Variants in MSRA observed in about 807,000 individuals in gnomAD.
The protein encoded by MSRA is methionine sulfoxide reductase A, also known as mitochondrial peptide methionine sulfoxide reductase.
MSRA carries 54 observed loss-of-function variants against 31.3 expected under a neutral mutation model. The ratio of observed to expected loss-of-function variants is 1.73; its 90% CI spans 1.39 to 2.17. The LOEUF (loss-of-function observed/expected upper bound fraction) is 2.17. Ranked by LOEUF, MSRA falls within the 30% of genes most tolerant of loss-of-function variation. The pLI, the probability that MSRA is intolerant of heterozygous loss-of-function variation, is 0.00. For missense variants in MSRA, 507 were observed against 300.9 expected, an observed-to-expected ratio of 1.69 and a Z score of -5.07; for synonymous variants, 169 against 116.5, an observed-to-expected ratio of 1.45 and a Z score of -2.90.
intron 4 of MSRA, among the ~76,000 whole-genome samples, chr8:10,305,077 A>G (rs779127005): frequency 3.3e-5 from 5 of 152,230 alleles, no homozygotes; most frequent in Non-Finnish European, 7.3e-5. Flanking sequence ...TTTAATTAGC[A>G]TGTTGAAAGA....
chr8:10,332,944 G>T (rs1802790693), intron 5 of MSRA, among the ~76,000 whole-genome samples: 1 of 152,190 alleles, frequency 6.6e-6, no homozygotes, highest in African/African-American at 2.4e-5. Context: ...TGAGTCCCTG[G>T]GTGGAGCCCC....
At chr8:10,180,698 A>G (rs146485305) in intron 1 of MSRA, among the ~76,000 whole-genome samples, 9 of 152,280 alleles carry the variant, frequency 5.9e-5, no homozygotes, top group Admixed American at 3.3e-4. Context: ...GAGCAAATAC[A>G]TATTCCTTTT....
intron 3 of MSRA, among the ~76,000 whole-genome samples, chr8:10,258,798 T>A (rs552938772): frequency 6.6e-6 from 1 of 152,198 alleles, no homozygotes; most frequent in Non-Finnish European, 1.5e-5. Context: ...GCCAGTTATC[T>A]AAGACCTTTT....
chr8:10,298,400 A>T lies in MSRA; in HGVS notation c.332-3134A>T, dbSNP rs151091520. On this transcript the variant is annotated intron_variant, in intron 3 of 5. Coordinates refer to ENST00000317173, the MANE Select transcript of MSRA (RefSeq NM_012331.5). The stretch of plus-strand genomic sequence containing the variant: ...AAGACAAATAGTGGATTCCACTTAT[A>T]GGAAGTCCCTAGAGAAGTAAAATCC... Among the ~76,000 whole-genome samples, 12 of 152,342 alleles carry T rather than the reference A, an allele frequency of 7.9e-5. 1 individual carries two copies. In the East Asian group the frequency reaches 2.1e-3, roughly 27 times the overall value.
chr8:10,398,335 C>T (rs754964802), intron 5 of MSRA, among the ~76,000 whole-genome samples: 2 of 152,308 alleles, frequency 1.3e-5, no homozygotes, highest in Middle Eastern at 3.4e-3. Flanking sequence ...TAATTCCACC[C>T]ACTGGTCCTA....
At chr8:10,286,151 T>C (rs2975635) in intron 3 of MSRA, among the ~76,000 whole-genome samples, 105,840 of 151,930 alleles carry the variant, frequency 0.7, 37,568 homozygotes, top group East Asian at 0.82. Flanking sequence ...TCCTGTGTTA[T>C]GGTGCTCGTC....
intron 1 of MSRA, among the ~76,000 whole-genome samples, chr8:10,175,023 C>T (rs1805922766): frequency 6.6e-6 from 1 of 152,136 alleles, no homozygotes. Flanking sequence ...TTCTCTGACT[C>T]ATCCGTCCCT....
At chr8:10,349,224 A>C (rs549158146) in intron 5 of MSRA, among the ~76,000 whole-genome samples, 1 of 152,222 alleles carries the variant, frequency 6.6e-6, no homozygotes, top group Admixed American at 6.5e-5. Flanking sequence ...GGTAGCATCA[A>C]CATTGACTCT....
chr8:10,277,850 G>C (rs1376352914), intron 3 of MSRA, among the ~76,000 whole-genome samples: 1 of 143,240 alleles, frequency 7.0e-6, no homozygotes, highest in Non-Finnish European at 1.5e-5. Context: ...ATATTTGAAA[G>C]TTCATGTTGT....
chr8:10,182,350 A>G (rs781252945), intron 1 of MSRA, among the ~76,000 whole-genome samples: 18 of 152,186 alleles, frequency 1.2e-4, no homozygotes, highest in Non-Finnish European at 2.4e-4. Context: ...ACATAAACCT[A>G]GCACCTTAAA....
At chr8:10,172,090 C>T (rs1805639127) in intron 1 of MSRA, among the ~76,000 whole-genome samples, 1 of 152,164 alleles carries the variant, frequency 6.6e-6, no homozygotes, top group African/African-American at 2.4e-5. Flanking sequence ...GAGGAGCCTC[C>T]ATTGTAGCCG....
chr8:10,084,157 G>T (rs1352439883), intron 1 of MSRA, among the ~76,000 whole-genome samples: 4 of 152,238 alleles, frequency 2.6e-5, no homozygotes, highest in African/African-American at 9.6e-5. Context: ...AGTACTCTCC[G>T]ACTTGTCCAC....
In MSRA at chr8:10,104,107, A is replaced by G. The variant is rs1799714159; in HGVS notation, c.142+49449A>G. Among the ~76,000 whole-genome samples the G allele has an allele frequency of 5.3e-5, 8 of 152,294 alleles. No individual in the cohort carries two copies. In the South Asian group the frequency reaches 1.7e-3, roughly 32 times the overall value. ...TAGAGTGTCTCATTTTAGCGTAGCC[A>G]TTCTTCTGTGGATGGGCGTTTAGGG... On this transcript the variant is annotated intron_variant, in intron 1 of 5. Coordinates refer to ENST00000317173, the MANE Select transcript of MSRA (RefSeq NM_012331.5).
chr8:10,273,004 A>G (rs1799127409), intron 3 of MSRA, among the ~76,000 whole-genome samples: 1 of 152,238 alleles, frequency 6.6e-6, no homozygotes. Context: ...TGGTATAAGC[A>G]ATCATGAAGA....
At chr8:10,311,319 A>T (rs953998299) in intron 4 of MSRA, among the ~76,000 whole-genome samples, 6 of 152,244 alleles carry the variant, frequency 3.9e-5, no homozygotes, top group African/African-American at 7.2e-5. Context: ...GAACCCAGAC[A>T]GGTAAGCAGA....
At chr8:10,373,701 A>C (rs1805602157) in intron 5 of MSRA, among the ~76,000 whole-genome samples, 1 of 152,228 alleles carries the variant, frequency 6.6e-6, no homozygotes, top group Admixed American at 6.5e-5. Context: ...CACAGGGGGC[A>C]ACACCAGGAG....
intron 1 of MSRA, among the ~76,000 whole-genome samples, chr8:10,075,889 G>C (rs937263228): frequency 6.6e-6 from 1 of 152,174 alleles, no homozygotes; most frequent in Non-Finnish European, 1.5e-5. Context: ...CATTTATGCC[G>C]TGGAGTGTGA....
At chr8:10,237,373 T>C (rs918363315) in intron 2 of MSRA, among the ~76,000 whole-genome samples, 5 of 152,254 alleles carry the variant, frequency 3.3e-5, no homozygotes, top group African/African-American at 1.2e-4. Flanking sequence ...TTTATCTTTC[T>C]ATTGACATTT....
chr8:10,347,250 G>C (rs959695648), intron 5 of MSRA, among the ~76,000 whole-genome samples: 1 of 152,144 alleles, frequency 6.6e-6, no homozygotes, highest in Non-Finnish European at 1.5e-5. Flanking sequence ...TTAAACAAAT[G>C]ATTGATGAAT....
Sources: gnomAD v4.1 joint callset for allele counts (sites outside exome capture counted in the v4.1 genomes callset) on GRCh38, gnomAD v4.1.1 for gene constraint, MANE v1.5 for transcripts, NCBI Gene and HGNC (gene_info 2026-07-23, HGNC 2026-07-21) for gene names.